ADAMTS19: variants seen among roughly 807,000 people sequenced by gnomAD.
The protein encoded by ADAMTS19 is ADAM metallopeptidase with thrombospondin type 1 motif 19, also known as A disintegrin and metalloproteinase with thrombospondin motifs 19.
In ADAMTS19, 93 loss-of-function variants were observed where a neutral mutation model predicts 153.3. The observed-to-expected ratio is 0.61, with a 90% confidence interval of 0.51 to 0.72. The LOEUF (loss-of-function observed/expected upper bound fraction) is 0.72, where lower values mean the gene tolerates loss of function less well. ADAMTS19 is among the 30% of genes least tolerant of loss of function. The probability of loss-of-function intolerance (pLI) is 0.00; values close to 1 mark genes in which losing one functional copy is unlikely to be tolerated. For synonymous variants in ADAMTS19, 600 were observed against 556.6 expected (o/e 1.08, Z -1.10); for missense variants, 1,482 against 1,552.1 (o/e 0.95, Z 0.76).
At chr5:129,613,750 G>C (rs1751355819) in intron 8 of ADAMTS19, among the ~76,000 whole-genome samples, 1 of 152,098 alleles carries the variant, frequency 6.6e-6, no homozygotes. Flanking sequence ...TCCAGGAGCT[G>C]GTTTTTTGAA....
chr5:129,654,512 G>A, intron 14 of ADAMTS19, 79 bp downstream of exon 14: 1 of 1,471,566 alleles, frequency 6.8e-7, no homozygotes, highest in Non-Finnish European at 9.2e-7. Flanking sequence ...ACAGCATGGT[G>A]GAAAGCTTTG....
intron 7 of ADAMTS19, among the ~76,000 whole-genome samples, chr5:129,555,791 T>C (rs1753291644): frequency 6.6e-6 from 1 of 152,202 alleles, no homozygotes; most frequent in Non-Finnish European, 1.5e-5. Context: ...TTTATAACAT[T>C]GTATTTTTAT....
chr5:129,515,442 T>C (rs1384629299), intron 3 of ADAMTS19, among the ~76,000 whole-genome samples: 1 of 151,954 alleles, frequency 6.6e-6, no homozygotes, highest in African/African-American at 2.4e-5. Context: ...AATATCTTTC[T>C]ACTTTTTGGT....
At chr5:129,465,036 A>G (rs971574282) in intron 2 of ADAMTS19, among the ~76,000 whole-genome samples, 4 of 152,152 alleles carry the variant, frequency 2.6e-5, no homozygotes, top group Non-Finnish European at 4.4e-5. Context: ...GCCAGTTACC[A>G]ATGAAAACAG....
intron 7 of ADAMTS19, among the ~76,000 whole-genome samples, chr5:129,590,585 G>T (rs1287155347): frequency 6.6e-6 from 1 of 152,108 alleles, no homozygotes; most frequent in Admixed American, 6.5e-5. Flanking sequence ...AATCTAGAAG[G>T]CTTTTTTAAA....
At chr5:129,468,187 T>C (rs1749937893) in intron 2 of ADAMTS19, among the ~76,000 whole-genome samples, 1 of 152,182 alleles carries the variant, frequency 6.6e-6, no homozygotes, top group Admixed American at 6.5e-5. Flanking sequence ...GGCATGAGTA[T>C]TGGTAATTCG....
intron 19 of ADAMTS19, among the ~76,000 whole-genome samples, chr5:129,697,389 G>A (rs1755609033): frequency 6.6e-6 from 1 of 152,164 alleles, no homozygotes. Context: ...GTTTATAGTA[G>A]TAGAAGCTGA....
At chr5:129,534,032 G>A (rs936251586) in intron 6 of ADAMTS19, among the ~76,000 whole-genome samples, 3 of 152,086 alleles carry the variant, frequency 2.0e-5, no homozygotes, top group Non-Finnish European at 4.4e-5. Context: ...GTCAATTTTG[G>A]AACAGGTGTG....
intron 18 of ADAMTS19, among the ~76,000 whole-genome samples, chr5:129,690,023 G>C (rs568483040): frequency 3.3e-5 from 5 of 152,130 alleles, no homozygotes; most frequent in Admixed American, 6.5e-5. Context: ...AGAAAACATA[G>C]TATTGAGATG....
Position 129,568,301 on chromosome 5 carries a change from T to A in ADAMTS19, c.1372+16394T>A, listed in dbSNP as rs976468855. ...ATATTTGAAAGCAAAAATTGTAACATTGTCTGTTGGAGTCCATGATGTATA... is the reference window on the plus strand; with the variant it reads ...ATATTTGAAAGCAAAAATTGTAACAATGTCTGTTGGAGTCCATGATGTATA... On this transcript the variant is annotated intron_variant, in intron 7 of 22. Transcript: ENST00000274487. Among the ~76,000 whole-genome samples the A allele has an allele frequency of 1.2e-4, 18 of 152,116 alleles. 1 individual carries two copies. The highest frequency in any genetic ancestry group is 1.3e-4 in the Admixed American group (2 of 15,276).
intron 21 of ADAMTS19, among the ~76,000 whole-genome samples, chr5:129,711,055 G>T (rs528855361): frequency 3.9e-5 from 6 of 152,252 alleles, no homozygotes; most frequent in East Asian, 1.9e-4. Context: ...AAATCAACTT[G>T]CAGGGAGTCC....
At chr5:129,647,478 C>T (rs1409823320) in intron 11 of ADAMTS19, among the ~76,000 whole-genome samples, 2 of 152,000 alleles carry the variant, frequency 1.3e-5, no homozygotes, top group Non-Finnish European at 2.9e-5. Context: ...CCTCAGATTC[C>T]CTACCCATAA....
At chr5:129,698,252 A>G (rs1202128817) in intron 19 of ADAMTS19, among the ~76,000 whole-genome samples, 2 of 152,240 alleles carry the variant, frequency 1.3e-5, no homozygotes, top group Non-Finnish European at 2.9e-5. Context: ...TAAGCAAAAT[A>G]TTGGAAAGAA....
At chr5:129,546,029 A>G (rs1233275464) in intron 6 of ADAMTS19, among the ~76,000 whole-genome samples, 1 of 149,004 alleles carries the variant, frequency 6.7e-6, no homozygotes. Context: ...AATGTGGCAC[A>G]TATACACCAT....
At chr5:129,515,468 C>G (rs1385843671) in intron 3 of ADAMTS19, among the ~76,000 whole-genome samples, 1 of 151,700 alleles carries the variant, frequency 6.6e-6, no homozygotes, top group South Asian at 2.1e-4. Flanking sequence ...CTTCAATTTC[C>G]CTCATCAGTG....
chr5:129,485,819 GTC>G (rs1750570142), intron 2 of ADAMTS19, among the ~76,000 whole-genome samples: 1 of 152,068 alleles, frequency 6.6e-6, no homozygotes, highest in African/African-American at 2.4e-5. Context: ...TTGAGATGGA[GTC>G]TCATTCTGTT....
At position 129,629,712 on chromosome 5, in the gene ADAMTS19, T is replaced by G. The variant is rs373814361; in HGVS notation, c.1770+7364T>G. 3.7e-4 allele frequency among the ~76,000 whole-genome samples: 57 copies of G among 152,216 alleles called. No homozygotes were observed. The East Asian group carries it at 4.6e-3, about 12-fold the overall frequency. On this transcript the variant is annotated intron_variant, in intron 10 of 22. Transcript: ENST00000274487. Reference sequence around the variant, plus strand: ...CACTCTTCTGCATAAATTTGCAGAATTAATGGCTGACTTCTTGGATGGCTT... The same window carrying G: ...CACTCTTCTGCATAAATTTGCAGAAGTAATGGCTGACTTCTTGGATGGCTT...
intron 7 of ADAMTS19, among the ~76,000 whole-genome samples, chr5:129,557,548 G>A (rs760543801): frequency 7.9e-5 from 12 of 152,204 alleles, no homozygotes; most frequent in African/African-American, 1.4e-4. Flanking sequence ...GCAGTGAGCC[G>A]AGATGGTGGC....
intron 8 of ADAMTS19, among the ~76,000 whole-genome samples, chr5:129,598,248 C>T (rs956580623): frequency 6.6e-6 from 1 of 152,092 alleles, no homozygotes; most frequent in African/African-American, 2.4e-5. Flanking sequence ...GGATCTGTAC[C>T]CTTTAAATTA....
Sources: gnomAD v4.1 joint callset for allele counts (sites outside exome capture counted in the v4.1 genomes callset) on GRCh38, gnomAD v4.1.1 for gene constraint, MANE v1.5 for transcripts, NCBI Gene and HGNC (gene_info 2026-07-23, HGNC 2026-07-21) for gene names.